The following AGK variants were observed in gnomAD, a reference collection of about 807,000 sequenced individuals.
AGK encodes the protein acylglycerol kinase, mitochondrial.
In AGK, 52 loss-of-function variants were observed where a neutral mutation model predicts 66.4. That is an observed-to-expected ratio of 0.78 (90% CI 0.63 to 0.99). AGK has a LOEUF of 0.99. Ranked by LOEUF, AGK falls within the 50% of genes least tolerant of loss-of-function variation. The probability of loss-of-function intolerance (pLI) is 0.00; values close to 1 mark genes in which losing one functional copy is unlikely to be tolerated. For missense variants in AGK, 451 were observed against 506.6 expected, an observed-to-expected ratio of 0.89 and a Z score of 1.05; for synonymous variants, 182 against 181.1, an observed-to-expected ratio of 1.00 and a Z score of -0.04.
intron 5 of AGK, among the ~76,000 whole-genome samples, chr7:141,601,775 C>A (rs1415662630): frequency 1.2e-4 from 18 of 152,134 alleles, no homozygotes; most frequent in Admixed American, 9.8e-4. Context: ...TTCGAAGATG[C>A]AGGACTCTAC....
intron 2 of AGK, among the ~76,000 whole-genome samples, chr7:141,557,167 C>T (rs186190759): frequency 6.6e-6 from 1 of 152,320 alleles, no homozygotes; most frequent in East Asian, 1.9e-4. Flanking sequence ...TGTGAACACT[C>T]AATTCACCAC....
At chr7:141,615,423 G>A in intron 7 of AGK, 48 bp from the exon 8 acceptor site, 2 of 1,524,332 alleles carry the variant, frequency 1.3e-6, no homozygotes, top group Non-Finnish European at 9.1e-7. Flanking sequence ...CATTAAGCCT[G>A]ATTTTCTGAT....
chr7:141,650,772 T>TG, intron 14 of AGK: 1 of 805,706 alleles, frequency 1.2e-6, no homozygotes, highest in Non-Finnish European at 1.5e-6. Context: ...ATCCTTGGGG[T>TG]ATTGGTTCCA....
intron 6 of AGK, among the ~76,000 whole-genome samples, chr7:141,611,913 T>C (rs1465096358): frequency 1.3e-5 from 2 of 152,220 alleles, no homozygotes; most frequent in African/African-American, 4.8e-5. Flanking sequence ...GTACAGCCAC[T>C]TTGGAACAGC....
intron 9 of AGK, among the ~76,000 whole-genome samples, chr7:141,626,936 G>A (rs937051832): frequency 6.6e-6 from 1 of 152,196 alleles, no homozygotes; most frequent in East Asian, 1.9e-4. Flanking sequence ...GTATGTTCTT[G>A]TTCTTAGGAG....
intron 5 of AGK, among the ~76,000 whole-genome samples, chr7:141,610,128 C>T (rs1051873234): frequency 5.3e-5 from 8 of 151,984 alleles, no homozygotes; most frequent in Non-Finnish European, 1.0e-4. Flanking sequence ...ATCACCATGC[C>T]TGGATAATTT....
rs760648816 is a variant in AGK, at chr7:141,641,810, G to T, written c.878-1G>T. On this transcript the variant is annotated splice_acceptor_variant, in intron 12 of 15. Coordinates refer to ENST00000649286, the MANE Select transcript of AGK (RefSeq NM_018238.4). LOFTEE classifies it high-confidence loss of function. ...GACCTGTATCTAATGGATTCCCACA[G>T]CCCTTTCCCAAGAGGTGAGCCCGGA... 15 of 1,571,568 alleles carry T rather than the reference G, an allele frequency of 9.5e-6. No individual in the cohort carries two copies. The highest frequency in any genetic ancestry group is 1.1e-5 in the Non-Finnish European group (13 of 1,157,208).
At chr7:141,570,895 C>T (rs938955870) in intron 2 of AGK, among the ~76,000 whole-genome samples, 2 of 152,116 alleles carry the variant, frequency 1.3e-5, no homozygotes, top group African/African-American at 4.8e-5. Context: ...TCTTAAGTCT[C>T]TTAAAGTATA....
chr7:141,558,776 CTCA>C (rs1795274368), intron 2 of AGK, among the ~76,000 whole-genome samples: 1 of 152,136 alleles, frequency 6.6e-6, no homozygotes. Flanking sequence ...TCTCCACGCC[CTCA>C]TCAACACTTG....
intron 3 of AGK, 130 bp downstream of exon 3, chr7:141,593,315 A>C: frequency 1.2e-6 from 1 of 847,638 alleles, no homozygotes; most frequent in Non-Finnish European, 2.0e-6. Flanking sequence ...CACTATCAGG[A>C]TGAATCACGC....
intron 2 of AGK, among the ~76,000 whole-genome samples, chr7:141,563,707 T>G (rs1327677484): frequency 6.6e-6 from 1 of 152,244 alleles, no homozygotes; most frequent in Non-Finnish European, 1.5e-5. Flanking sequence ...CAGTATCCCA[T>G]TCTGTCATTA....
intron 2 of AGK, among the ~76,000 whole-genome samples, chr7:141,577,730 G>T (rs1168409399): frequency 6.6e-6 from 1 of 151,976 alleles, no homozygotes; most frequent in Admixed American, 6.6e-5. Context: ...GCACAGGCCG[G>T]TTGGGGTTTC....
At position 141,585,566 on chromosome 7, in the gene AGK, T is replaced by C. The variant is rs554351161; in HGVS notation, c.102-7580T>C. Among the ~76,000 whole-genome samples, 13 of 152,318 alleles carry C rather than the reference T, an allele frequency of 8.5e-5. No homozygotes were observed. In the East Asian group the frequency reaches 1.3e-3, roughly 16 times the overall value. On this transcript the variant is annotated intron_variant, in intron 2 of 15. Transcript: ENST00000649286. Reference sequence around the variant, plus strand: ...CCAAGGGAAAAGCTGGTGGTAGAAATTGCTGTACAATTTGCCTCTAGACTG... The same window carrying C: ...CCAAGGGAAAAGCTGGTGGTAGAAACTGCTGTACAATTTGCCTCTAGACTG...
intron 1 of AGK, among the ~76,000 whole-genome samples, chr7:141,554,487 TC>T (rs1367782892): frequency 6.6e-6 from 1 of 152,168 alleles, no homozygotes; most frequent in East Asian, 1.9e-4. Flanking sequence ...TTGGGTTTTT[TC>T]CCCCATCAGT....
chr7:141,609,455 A>G (rs1450515977), intron 5 of AGK, among the ~76,000 whole-genome samples: 1 of 152,190 alleles, frequency 6.6e-6, no homozygotes, highest in East Asian at 1.9e-4. Context: ...ATTATAAAGG[A>G]TACTACTCGG....
chr7:141,608,010 A>T (rs1324195096), intron 5 of AGK, among the ~76,000 whole-genome samples: 3 of 152,048 alleles, frequency 2.0e-5, no homozygotes, highest in African/African-American at 7.2e-5. Flanking sequence ...TTTCACATTT[A>T]TTAATGTGTT....
chr7:141,555,394 A>G lies in AGK; in HGVS notation c.-14-59A>G. ...GAATGGAAGACAGAGTAATAGGGAC[A>G]TTACATGAAGACCATGGATAAATTA... On this transcript the variant is annotated intron_variant, in intron 1 of 15. Coordinates refer to ENST00000649286, the MANE Select transcript of AGK (RefSeq NM_018238.4). The surrounding 1 kb of genome is among the most constrained non-coding windows in gnomAD (Gnocchi z 4.2). 1 of 1,183,928 alleles carries G rather than the reference A, an allele frequency of 8.4e-7. No individual in the cohort carries two copies. Among genetic ancestry groups the G allele is most frequent in the Non-Finnish European group, 1.2e-6 (1 of 816,828 alleles). The allele number at this position is 1,183,928 out of a possible 1,614,324, so 73.3% of individuals were successfully genotyped here.
At position 141,641,277 on chromosome 7, in the gene AGK, C is replaced by T; in HGVS notation, c.756C>T (p.Ile252=). 6.2e-7 allele frequency: 1 copy of T among 1,613,918 alleles called. No homozygotes were observed. Among genetic ancestry groups the T allele is most frequent in the Non-Finnish European group, 8.5e-7 (1 of 1,179,916 alleles). The change falls in exon 12 of 16, where the codon ATC becomes ATT. Residue 252 remains isoleucine, a synonymous_variant. Transcript: ENST00000649286. Reference sequence around the variant, plus strand: ...GGCCTCAGACTCATCAAGCCTCTATCTCATACACGGGACCTACAGAGAGAC... The same window carrying T: ...GGCCTCAGACTCATCAAGCCTCTATTTCATACACGGGACCTACAGAGAGAC... ...KEWPQTHQAS[I]SYTGPTERPP... is the part of the protein sequence containing the mutation.
intron 2 of AGK, among the ~76,000 whole-genome samples, chr7:141,558,716 T>G (rs958455100): frequency 1.3e-5 from 2 of 152,202 alleles, no homozygotes; most frequent in Admixed American, 6.5e-5. Context: ...TGTTTTCCAT[T>G]GTGGCTCATC....
Sources: allele counts gnomAD v4.1 joint callset (sites outside exome capture counted in the v4.1 genomes callset), GRCh38; gene constraint gnomAD v4.1.1; non-coding constraint Gnocchi (gnomAD v3.1); transcripts MANE v1.5; gene names NCBI Gene and HGNC (gene_info 2026-07-23, HGNC 2026-07-21).